The following CACNA1A variants were observed in gnomAD, a reference collection of about 807,000 sequenced individuals.
CACNA1A encodes the protein calcium voltage-gated channel subunit alpha1 A.
CACNA1A carries 57 observed loss-of-function variants against 262.4 expected under a neutral mutation model. The ratio of observed to expected loss-of-function variants is 0.22; its 90% CI spans 0.18 to 0.27. CACNA1A has a LOEUF of 0.27. Ranked by LOEUF, CACNA1A falls within the 10% of genes least tolerant of loss-of-function variation. The pLI, the probability that CACNA1A is intolerant of heterozygous loss-of-function variation, is 1.00. For missense variants in CACNA1A, 2,526 were observed against 3,562.8 expected (o/e 0.71, Z 7.41); for synonymous variants, 1,431 against 1,419.3 (o/e 1.01, Z -0.18).
chr19:13,253,506 C>G (rs1446603671), intron 29 of CACNA1A, among the ~76,000 whole-genome samples: 1 of 120,998 alleles, frequency 8.3e-6, no homozygotes, highest in African/African-American at 3.2e-5. Flanking sequence ...AGTGCAGTGG[C>G]GCGATCTCGG....
At chr19:13,292,694 G>A (rs942192468) in intron 19 of CACNA1A, among the ~76,000 whole-genome samples, 6 of 152,170 alleles carry the variant, frequency 3.9e-5, no homozygotes, top group Admixed American at 2.6e-4. Context: ...AATGACTGAA[G>A]AAGAGGAAAA....
intron 37 of CACNA1A, chr19:13,226,552 T>A (rs1191837904): frequency 2.0e-5 from 3 of 152,146 alleles, no homozygotes; most frequent in Non-Finnish European, 4.4e-5. Flanking sequence ...TCCCTGAACT[T>A]CTTGTGGATG....
chr19:13,354,211 C>G (rs553348270), intron 6 of CACNA1A, among the ~76,000 whole-genome samples: 4 of 152,314 alleles, frequency 2.6e-5, no homozygotes. Flanking sequence ...CACCTGTGTC[C>G]ATGGATTCCA....
At position 13,409,499 on chromosome 19, in the gene CACNA1A, G is replaced by A. The variant is rs956426595; in HGVS notation, c.540-37720C>T. On this transcript the variant is annotated intron_variant, in intron 3 of 46. Transcript: ENST00000360228. ...CTGTATCTCCAGCATCTAGCACAGC[G>A]CCTGGTACAAAGTAAATGTCTCCTC... 8.5e-5 allele frequency among the ~76,000 whole-genome samples: 13 copies of A among 152,092 alleles called. No individual in the cohort carries two copies. The South Asian group carries it at 1.7e-3, about 19-fold the overall frequency.
In CACNA1A at chr19:13,298,703, G is replaced by GCCCTCCGCT. The variant is rs2057723703; in HGVS notation, c.2921_2929dup (p.Glu974_Arg976dup). 6.8e-7 allele frequency: 1 copy of GCCCTCCGCT among 1,460,990 alleles called. No homozygotes were observed. The highest frequency in any genetic ancestry group is 2.9e-5 in the East Asian group (1 of 34,128). The allele number at this position is 1,460,990 out of a possible 1,614,324, so 90.5% of individuals were successfully genotyped here. The stretch of plus-strand genomic sequence containing the variant: ...CGGCCGGCTGCCCTCGCGGTGCCGC[G>GCCCTCCGCT]CCCTCCGCTCCGCCTTGTCCTCCGG... On this transcript the variant is annotated inframe_insertion, in exon 19 of 47. Coordinates refer to ENST00000360228, the MANE Select transcript of CACNA1A (RefSeq NM_001127222.2).
chr19:13,432,200 A>C (rs1004742180), intron 3 of CACNA1A, among the ~76,000 whole-genome samples: 2 of 150,938 alleles, frequency 1.3e-5, no homozygotes, highest in Non-Finnish European at 1.5e-5. Flanking sequence ...GGATCACTGG[A>C]GGTCAGGAGT....
At chr19:13,504,027 T>C (rs540612400) in intron 1 of CACNA1A, among the ~76,000 whole-genome samples, 1 of 152,066 alleles carries the variant, frequency 6.6e-6, no homozygotes, top group South Asian at 2.1e-4. Context: ...CCCACCTCCT[T>C]CCTTTCCTCT....
intron 30 of CACNA1A, among the ~76,000 whole-genome samples, chr19:13,249,848 T>C (rs1287407334): frequency 6.6e-6 from 1 of 151,916 alleles, no homozygotes; most frequent in Admixed American, 6.6e-5. Flanking sequence ...CTGATGCCCC[T>C]AACCACCTCC....
intron 3 of CACNA1A, among the ~76,000 whole-genome samples, chr19:13,428,566 C>A (rs1367390264): frequency 6.6e-6 from 1 of 152,166 alleles, no homozygotes. Flanking sequence ...GGGCATATTA[C>A]ACGGATCATC....
chr19:13,439,612 C>T (rs994981803), intron 3 of CACNA1A, among the ~76,000 whole-genome samples: 1 of 151,580 alleles, frequency 6.6e-6, no homozygotes, highest in Admixed American at 6.6e-5. Context: ...GGGGTTTCAC[C>T]ACGTTAGCCA....
chr19:13,382,930 G>C (rs528210007), intron 3 of CACNA1A, among the ~76,000 whole-genome samples: 1 of 152,140 alleles, frequency 6.6e-6, no homozygotes, highest in Admixed American at 6.6e-5. Context: ...ATCCCACATG[G>C]AGGTTCCTAC....
At chr19:13,287,089 C>T (rs1183602129) in intron 19 of CACNA1A, 123 bp from the exon 20 acceptor site, 10 of 777,410 alleles carry the variant, frequency 1.3e-5, no homozygotes, top group Middle Eastern at 7.7e-4. Context: ...CAGTGGCTCA[C>T]GCCTGTAATC....
chr19:13,501,626 T>C (rs1982388665), intron 1 of CACNA1A, among the ~76,000 whole-genome samples: 1 of 152,160 alleles, frequency 6.6e-6, no homozygotes, highest in Non-Finnish European at 1.5e-5. Flanking sequence ...ACCCAAATCC[T>C]GCTGGACCAG....
intron 3 of CACNA1A, among the ~76,000 whole-genome samples, chr19:13,413,191 C>A (rs1258296331): frequency 6.6e-6 from 1 of 151,556 alleles, no homozygotes; most frequent in Non-Finnish European, 1.5e-5. Context: ...ACTGCAAGCT[C>A]CGCCTCCCAG....
At chr19:13,403,827 A>T (rs979260254) in intron 3 of CACNA1A, among the ~76,000 whole-genome samples, 1 of 152,098 alleles carries the variant, frequency 6.6e-6, no homozygotes, top group African/African-American at 2.4e-5. Flanking sequence ...GCATGGTGGT[A>T]TGCACCTGTG....
intron 8 of CACNA1A, among the ~76,000 whole-genome samples, chr19:13,333,276 T>TA (rs1398989098): frequency 6.6e-6 from 1 of 152,124 alleles, no homozygotes; most frequent in Non-Finnish European, 1.5e-5. Context: ...GTGTCTCAAA[T>TA]ACGTTCCTAG....
intron 19 of CACNA1A, among the ~76,000 whole-genome samples, chr19:13,295,694 T>C (rs1012978199): frequency 2.0e-5 from 3 of 151,930 alleles, no homozygotes; most frequent in African/African-American, 7.3e-5. Flanking sequence ...GAGGTCTCCT[T>C]ATGTCGCCCA....
At chr19:13,259,853 G>A (rs2056682645) in intron 26 of CACNA1A, 152 bp from the exon 27 acceptor site, 2 of 723,768 alleles carry the variant, frequency 2.8e-6, no homozygotes, top group Non-Finnish European at 4.7e-6. Flanking sequence ...GCCACCATGT[G>A]TTCCTGTGCT....
At chr19:13,393,685 CCTTTTCTT>C (rs1568602479) in intron 3 of CACNA1A, among the ~76,000 whole-genome samples, 1 of 78,556 alleles carries the variant, frequency 1.3e-5, no homozygotes, top group Admixed American at 1.5e-4. Flanking sequence ...CTCTTTCTTT[CCTTTTCTT>C]TCTTTACCTT....
Sources: allele counts gnomAD v4.1 joint callset (sites outside exome capture counted in the v4.1 genomes callset), GRCh38; gene constraint gnomAD v4.1.1; transcripts MANE v1.5; gene names NCBI Gene and HGNC (gene_info 2026-07-23, HGNC 2026-07-21).